Variants in TBATA observed in about 807,000 individuals in gnomAD.
TBATA encodes the protein protein TBATA.
TBATA carries 47 observed loss-of-function variants against 38.7 expected under a neutral mutation model. The observed-to-expected ratio is 1.21, with a 90% CI of 0.96 to 1.55. The LOEUF is 1.55. TBATA is among the 40% of genes most tolerant of loss of function. The pLI is 0.00. For missense variants in TBATA, 436 were observed against 435.6 expected (o/e 1.00, Z -0.01); for synonymous variants, 183 against 170.5 (o/e 1.07, Z -0.57).
chr10:70,782,206 G>A, intron 3 of TBATA, 170 bp from the exon 4 acceptor site: 1 of 1,304,138 alleles, frequency 7.7e-7, no homozygotes, highest in Non-Finnish European at 1.1e-6. Flanking sequence ...CTCCCCCAGA[G>A]TCCTTTCCCA....
chr10:70,784,029 A>G (rs79056386), intron 2 of TBATA, among the ~76,000 whole-genome samples: 4,156 of 152,340 alleles, frequency 0.027, 79 homozygotes, highest in Middle Eastern at 0.11. Flanking sequence ...GTTTAAAAAC[A>G]TATTATTTTT....
rs763338438 is a variant in TBATA at position 70,781,831 on chromosome 10, G to C, written c.247C>G (p.Pro83Ala). 6.2e-7 allele frequency: 1 copy of C among 1,614,090 alleles called. No individual in the cohort carries two copies. The highest frequency in any genetic ancestry group is 2.2e-5 in the East Asian group (1 of 44,888). The change falls in exon 4 of 11, where the codon CCA becomes GCA. Residue 83 changes from proline (P) to alanine (A), a missense_variant. By Grantham distance (27) the Pro-to-Ala change is conservative. Transcript: ENST00000456372. The stretch of plus-strand genomic sequence containing the variant: ...ATGTGGGTCACGTGCTGGGGGTGTG[G>C]GTGGTGCCGGGAGAAGAAGGAGTGG... ...SHHSFFSRHH[P>A]HPQHVTHIQD... is the part of the protein sequence containing the mutation.
rs1421699582 is a variant in TBATA, at chr10:70,783,391, T to G, written c.-12A>C. On this transcript the variant is annotated 5_prime_UTR_variant, in exon 3 of 11. Transcript: ENST00000456372. The stretch of plus-strand genomic sequence containing the variant: ...ACATCTGTAGCCATTGTATGCTTTT[T>G]AACAGACTAAAGGCCAGTGCACTTA... 2 of 1,614,094 alleles carry G rather than the reference T, an allele frequency of 1.2e-6. No individual in the cohort carries two copies. Among genetic ancestry groups the G allele is most frequent in the South Asian group, 2.2e-5 (2 of 91,078 alleles).
chr10:70,781,991 T>C lies in TBATA; in HGVS notation c.87A>G (p.Pro29=). The C allele has an allele frequency of 6.2e-7, 1 of 1,614,250 alleles. No homozygotes were observed. Among genetic ancestry groups the C allele is most frequent in the South Asian group, 1.1e-5 (1 of 91,090 alleles). Residue 29 remains proline (P), a synonymous_variant, in exon 4 of 11, where the codon CCA becomes CCG. Transcript: ENST00000456372. ...GTGGCCCACTGTCCCTGGGGCTCCT[T>C]GGCTTGCGCCCTGACTTCTTCTCCA... The part of the protein sequence containing the change: ...LKLEKKSGRK[P]RSPRDSGPQK...
At position 70,781,834 on chromosome 10, in the gene TBATA, G is replaced by A. The variant is rs139186753; in HGVS notation, c.244C>T (p.His82Tyr). ...TGGGTCACGTGCTGGGGGTGTGGGT[G>A]GTGCCGGGAGAAGAAGGAGTGGTGA... ...LSHHSFFSRHHPHPQHVTHIQ... is the reference protein window; with the variant it reads ...LSHHSFFSRHYPHPQHVTHIQ... Residue 82 changes from histidine to tyrosine, a missense_variant, in exon 4 of 11, where the codon CAC becomes TAC. Coordinates refer to ENST00000456372, the MANE Select transcript of TBATA (RefSeq NM_001318241.2). 177 of 1,613,992 alleles carry A rather than the reference G, an allele frequency of 1.1e-4. No individual in the cohort carries two copies. The highest frequency in any genetic ancestry group is 1.2e-4 in the Non-Finnish European group (142 of 1,179,930).
chr10:70,777,166 T>C lies in TBATA; in HGVS notation c.680A>G (p.Asp227Gly), dbSNP rs1052108366. ...CTGGGCCCTCACCAGCAGCTCCTGA[T>C]CCTGAAGGAGGAAAGCCTGGACTCC... ...HEGVQAFLLQ[D>G]QELLVLELLC... The change falls in exon 7 of 11, where the codon GAT (aspartate) becomes GGT (glycine). Residue 227 changes from aspartate to glycine, a missense_variant. Transcript: ENST00000456372. 6.2e-7 allele frequency: 1 copy of C among 1,612,728 alleles called. No individual in the cohort carries two copies.
chr10:70,773,794 G>T (rs1843033315), intron 9 of TBATA, among the ~76,000 whole-genome samples: 1 of 152,196 alleles, frequency 6.6e-6, no homozygotes, highest in African/African-American at 2.4e-5. Context: ...CACCTGCCTT[G>T]TGAGGCCTCC....
At chr10:70,782,974 C>G (rs921391584) in intron 3 of TBATA, among the ~76,000 whole-genome samples, 2 of 152,238 alleles carry the variant, frequency 1.3e-5, no homozygotes, top group Admixed American at 1.3e-4. Flanking sequence ...TCTCCATTCG[C>G]CTCTAAGGGA....
chr10:70,779,571 G>T, intron 5 of TBATA, 22 bp downstream of exon 5: 3 of 1,462,696 alleles, frequency 2.1e-6, no homozygotes, highest in Non-Finnish European at 2.7e-6. Context: ...AGGGTAGAGG[G>T]AGGCATGGCC....
intron 4 of TBATA, among the ~76,000 whole-genome samples, chr10:70,781,280 C>T (rs555093058): frequency 6.6e-6 from 1 of 152,320 alleles, no homozygotes; most frequent in South Asian, 2.1e-4. Flanking sequence ...CTTCTGTGAC[C>T]ACCTTTCAAA....
chr10:70,777,641 G>A (rs979034645), intron 6 of TBATA: 16 of 445,672 alleles, frequency 3.6e-5, no homozygotes, highest in African/African-American at 1.0e-4. Flanking sequence ...ATGCAGGGTC[G>A]ATCGCTGGAT....
intron 4 of TBATA, among the ~76,000 whole-genome samples, chr10:70,781,158 C>T (rs568669536): frequency 6.6e-6 from 1 of 152,342 alleles, no homozygotes; most frequent in East Asian, 1.9e-4. Context: ...TGGGAGCGCT[C>T]TTGCCTTCTG....
intron 7 of TBATA, among the ~76,000 whole-genome samples, chr10:70,775,947 C>G (rs1019520388): frequency 5.9e-5 from 9 of 152,194 alleles, no homozygotes; most frequent in Non-Finnish European, 1.2e-4. Context: ...TTTTCCCCTG[C>G]GTTCTCCAGT....
chr10:70,782,210 T>C, intron 3 of TBATA, 174 bp from the exon 4 acceptor site: 1 of 1,329,818 alleles, frequency 7.5e-7, no homozygotes, highest in Non-Finnish European at 1.0e-6. Context: ...CCCAGAGTCC[T>C]TTCCCAACTG....
intron 3 of TBATA, chr10:70,782,435 C>T (rs1338002141): frequency 1.5e-5 from 19 of 1,295,826 alleles, no homozygotes; most frequent in Non-Finnish European, 1.8e-5. Context: ...AGGGGCCTCT[C>T]CCCAAGCCAG....
At chr10:70,773,376 A>G (rs1331227189) in intron 9 of TBATA, among the ~76,000 whole-genome samples, 2 of 152,016 alleles carry the variant, frequency 1.3e-5, no homozygotes, top group Admixed American at 1.3e-4. Context: ...CCTTTTCCCA[A>G]GCTTTCATTT....
At position 70,775,132 on chromosome 10, in the gene TBATA, C is replaced by A. The variant is rs1018850968; in HGVS notation, c.775+57G>T. The A allele has an allele frequency of 2.0e-6, 3 of 1,522,302 alleles. No homozygotes were observed. The African/African-American group carries it at 4.1e-5, about 21-fold the overall frequency. 94.3% of individuals were successfully genotyped at this position (1,522,302 alleles called of 1,614,324 possible). On this transcript the variant is annotated intron_variant, in intron 8 of 10. Coordinates refer to ENST00000456372, the MANE Select transcript of TBATA (RefSeq NM_001318241.2). ...ATTTGAGTCCTGCAGAACCAGAGATCAAGGGCAGGACCTTGGCAGCCTCCA... is the reference window on the plus strand; with the variant it reads ...ATTTGAGTCCTGCAGAACCAGAGATAAAGGGCAGGACCTTGGCAGCCTCCA...
At chr10:70,777,833 A>G (rs1242526955) in intron 6 of TBATA, 4 of 454,602 alleles carry the variant, frequency 8.8e-6, no homozygotes, top group Non-Finnish European at 1.8e-5. Flanking sequence ...CTGCTCTTGC[A>G]ATTCCAATTA....
rs1241707406 is a variant in TBATA at position 70,781,943 on chromosome 10, C to T, written c.135G>A (p.Gly45=). The T allele has an allele frequency of 1.9e-6, 3 of 1,614,236 alleles. No individual in the cohort carries two copies. The South Asian group carries it at 3.3e-5, about 18-fold the overall frequency. The change falls in exon 4 of 11, where the codon GGG becomes GGA. Residue 45 remains glycine, a synonymous_variant. Transcript: ENST00000456372. ...GGCGGATCCGCTCGAAATCCACAAT[C>T]CCTGGGATCACCAGTTCTTTCTGTG... ...SGPQKELVIP[G]IVDFERIRRA...
Sources: gnomAD v4.1 joint callset for allele counts (sites outside exome capture counted in the v4.1 genomes callset) on GRCh38, gnomAD v4.1.1 for gene constraint, MANE v1.5 for transcripts, NCBI Gene and HGNC (gene_info 2026-07-23, HGNC 2026-07-21) for gene names.